KIRREL3: variants seen among roughly 807,000 people sequenced by gnomAD.
KIRREL3 encodes the protein kin of IRRE-like protein 3.
A neutral mutation model predicts 89.7 loss-of-function variants in KIRREL3; 36 were observed. That is an observed-to-expected ratio of 0.40 (90% CI 0.31 to 0.53). The LOEUF is 0.53. KIRREL3 is among the 20% of genes least tolerant of loss of function. The pLI, the probability that KIRREL3 is intolerant of heterozygous loss-of-function variation, is 0.49. For synonymous variants in KIRREL3, 445 were observed against 441.4 expected, an observed-to-expected ratio of 1.01 and a Z score of -0.10; for missense variants, 864 against 1,056.6, an observed-to-expected ratio of 0.82 and a Z score of 2.53.
chr11:126,848,392 G>A lies in KIRREL3; in HGVS notation c.55+152063C>T, dbSNP rs146619961. 1.6e-3 allele frequency among the ~76,000 whole-genome samples: 239 copies of A among 152,260 alleles called. 1 individual carries two copies. The highest frequency in any genetic ancestry group is 5.3e-3 in the African/African-American group (222 of 41,552). ...GAAAAATTATGTTTCAAGAACTATG[G>A]TATACCTGTTATTAAATTCCAGTCT... On this transcript the variant is annotated intron_variant, in intron 1 of 16. Coordinates refer to ENST00000525144, the MANE Select transcript of KIRREL3 (RefSeq NM_032531.4).
At position 126,563,003 on chromosome 11, in the gene KIRREL3, C is replaced by T; in HGVS notation, c.56-91G>A. ...CTGCAGGGGGCTGTGGAGCTTGTTG[C>T]TCTTATAAACAGAGGTGCTTTTGTT... On this transcript the variant is annotated intron_variant, in intron 1 of 16. Transcript: ENST00000525144. This position sits in a 1 kb window ranked among gnomAD's most constrained non-coding sequence, Gnocchi z 6.8. The T allele has an allele frequency of 1.2e-6, 1 of 813,028 alleles. No individual in the cohort carries two copies. The highest frequency in any genetic ancestry group is 2.0e-6 in the Non-Finnish European group (1 of 504,348). 50.4% of individuals were successfully genotyped at this position (813,028 alleles called of 1,614,324 possible).
intron 1 of KIRREL3, among the ~76,000 whole-genome samples, chr11:126,942,545 G>A (rs1164409522): frequency 6.6e-6 from 1 of 152,140 alleles, no homozygotes. Flanking sequence ...TGTCGTCCCT[G>A]GCTCTTCCAG....
rs1291982503 is a variant in KIRREL3, at chr11:126,564,097, G to C, written c.56-1185C>G. On this transcript the variant is annotated intron_variant, in intron 1 of 16. Coordinates refer to ENST00000525144, the MANE Select transcript of KIRREL3 (RefSeq NM_032531.4). This position sits in a 1 kb window ranked among gnomAD's most constrained non-coding sequence, Gnocchi z 7.4. ...AGGGAATATGACTGCAGCTCTTCCTGGCCCTTGCCAGGGTTTCTGGGCTCC... is the reference window on the plus strand; with the variant it reads ...AGGGAATATGACTGCAGCTCTTCCTCGCCCTTGCCAGGGTTTCTGGGCTCC... 2.0e-5 allele frequency among the ~76,000 whole-genome samples: 3 copies of C among 152,194 alleles called. No individual in the cohort carries two copies. Among genetic ancestry groups the C allele is most frequent in the Admixed American group, 6.5e-5 (1 of 15,276 alleles).
rs1939287997 is a variant in KIRREL3, at chr11:126,551,814, T to A, written c.133+11021A>T. Among the ~76,000 whole-genome samples the A allele has an allele frequency of 6.6e-6, 1 of 152,060 alleles. No individual in the cohort carries two copies. On this transcript the variant is annotated intron_variant, in intron 2 of 16. Transcript: ENST00000525144. This position sits in a 1 kb window ranked among gnomAD's most constrained non-coding sequence, Gnocchi z 4.9. The stretch of plus-strand genomic sequence containing the variant: ...GCATGCGCCACCATGCCCGACTAAT[T>A]TTTGTATTTTTAGTAGAGATGGGGT...
At chr11:126,942,520 G>A (rs1288070281) in intron 1 of KIRREL3, among the ~76,000 whole-genome samples, 1 of 152,124 alleles carries the variant, frequency 6.6e-6, no homozygotes, top group Admixed American at 6.6e-5. Context: ...TGGAAGTCCC[G>A]GCTGCCCAGG....
intron 1 of KIRREL3, among the ~76,000 whole-genome samples, chr11:126,749,776 A>G (rs7350493): frequency 0.22 from 32,784 of 152,140 alleles, 3,991 homozygotes; most frequent in African/African-American, 0.31. Flanking sequence ...GATCATTTTC[A>G]TAACCGGACC....
chr11:126,700,865 G>A (rs1046521254), intron 1 of KIRREL3, among the ~76,000 whole-genome samples: 1 of 152,156 alleles, frequency 6.6e-6, no homozygotes, highest in Non-Finnish European at 1.5e-5. Context: ...GCAGTCTTGG[G>A]CTAATGAGCT....
chr11:126,884,882 A>G (rs1170251201), intron 1 of KIRREL3, among the ~76,000 whole-genome samples: 1 of 152,188 alleles, frequency 6.6e-6, no homozygotes, highest in Non-Finnish European at 1.5e-5. Context: ...TTGCTTGGCA[A>G]TGGAATGGCT....
rs941282405 is a variant in KIRREL3, at chr11:126,474,021, C to T, written c.434-555G>A. On this transcript the variant is annotated intron_variant, in intron 4 of 16. Coordinates refer to ENST00000525144, the MANE Select transcript of KIRREL3 (RefSeq NM_032531.4). This position sits in a 1 kb window ranked among gnomAD's most constrained non-coding sequence, Gnocchi z 6.7. The stretch of plus-strand genomic sequence containing the variant: ...GTTTCAACATGTTGGCCAGGCTGGT[C>T]TTGAACTCCTGACCTCAGGTGATCT... Among the ~76,000 whole-genome samples, 14 of 150,924 alleles carry T rather than the reference C, an allele frequency of 9.3e-5. No homozygotes were observed. The highest frequency in any genetic ancestry group is 2.9e-5 in the Non-Finnish European group (2 of 67,898).
intron 1 of KIRREL3, among the ~76,000 whole-genome samples, chr11:126,831,715 T>A (rs1425620350): frequency 6.6e-6 from 1 of 152,194 alleles, no homozygotes; most frequent in African/African-American, 2.4e-5. Context: ...CTAGTTTTTT[T>A]TTGAAGTATA....
rs143394922 is a variant in KIRREL3, at chr11:126,527,503, G to A, written c.134-816C>T. Among the ~76,000 whole-genome samples the A allele has an allele frequency of 7.2e-5, 11 of 152,158 alleles. No individual in the cohort carries two copies. The highest frequency in any genetic ancestry group is 1.4e-4 in the African/African-American group (6 of 41,494). On this transcript the variant is annotated intron_variant, in intron 2 of 16. Coordinates refer to ENST00000525144, the MANE Select transcript of KIRREL3 (RefSeq NM_032531.4). This position sits in a 1 kb window ranked among gnomAD's most constrained non-coding sequence, Gnocchi z 4.2. ...ATATTAGTTCATTAATATTTTCATCGTCATAACAACCTAAAAATAGTAGGC... is the reference window on the plus strand; with the variant it reads ...ATATTAGTTCATTAATATTTTCATCATCATAACAACCTAAAAATAGTAGGC...
chr11:126,795,827 C>T lies in KIRREL3; in HGVS notation c.55+204628G>A, dbSNP rs1347308246. Among the ~76,000 whole-genome samples the T allele has an allele frequency of 2.0e-5, 3 of 152,130 alleles. No homozygotes were observed. Among genetic ancestry groups the T allele is most frequent in the Non-Finnish European group, 4.4e-5 (3 of 68,026 alleles). On this transcript the variant is annotated intron_variant, in intron 1 of 16. Coordinates refer to ENST00000525144, the MANE Select transcript of KIRREL3 (RefSeq NM_032531.4). The surrounding 1 kb of genome is among the most constrained non-coding windows in gnomAD (Gnocchi z 4.1). ...TTCTTCCCCCTGTGCACCCCAAGAG[C>T]GTACATCAGCTCTTTGGAGGGGCAT... is the stretch of plus-strand genomic sequence containing the variant.
chr11:126,731,031 G>A (rs1948598705), intron 1 of KIRREL3, among the ~76,000 whole-genome samples: 2 of 152,056 alleles, frequency 1.3e-5, no homozygotes, highest in South Asian at 2.1e-4. Flanking sequence ...GAGCCACCGC[G>A]CCCAGCCAAC....
intron 7 of KIRREL3, among the ~76,000 whole-genome samples, chr11:126,453,346 G>A (rs1956245210): frequency 6.6e-6 from 1 of 152,090 alleles, no homozygotes; most frequent in African/African-American, 2.4e-5. Context: ...CTGGTCCCTA[G>A]GAGCATCTGC....
chr11:126,731,231 A>G (rs1948605790), intron 1 of KIRREL3, among the ~76,000 whole-genome samples: 1 of 151,822 alleles, frequency 6.6e-6, no homozygotes, highest in South Asian at 2.1e-4. Flanking sequence ...CCCACCTTCC[A>G]TTTCTCCTGT....
At chr11:126,820,500 A>G (rs1190553199) in intron 1 of KIRREL3, among the ~76,000 whole-genome samples, 1 of 152,230 alleles carries the variant, frequency 6.6e-6, no homozygotes, top group Non-Finnish European at 1.5e-5. Context: ...GGGGAAATGA[A>G]TAAGACCCAA....
chr11:126,840,984 T>C (rs1010795288), intron 1 of KIRREL3, among the ~76,000 whole-genome samples: 24 of 152,242 alleles, frequency 1.6e-4, no homozygotes, highest in African/African-American at 5.3e-4. Context: ...ATAGTAAGAA[T>C]GAATCTTCTA....
intron 1 of KIRREL3, among the ~76,000 whole-genome samples, chr11:126,675,713 A>G (rs1946157973): frequency 6.6e-6 from 1 of 152,174 alleles, no homozygotes; most frequent in East Asian, 1.9e-4. Context: ...AGGAACTAAC[A>G]GGGTCAGCTC....
At chr11:126,699,065 G>C (rs1479138765) in intron 1 of KIRREL3, among the ~76,000 whole-genome samples, 2 of 152,188 alleles carry the variant, frequency 1.3e-5, no homozygotes, top group African/African-American at 4.8e-5. Flanking sequence ...TACTGGAAGG[G>C]GTGCCAGGAG....
Sources: allele counts gnomAD v4.1 joint callset (sites outside exome capture counted in the v4.1 genomes callset), GRCh38; gene constraint gnomAD v4.1.1; non-coding constraint Gnocchi (gnomAD v3.1); transcripts MANE v1.5; gene names NCBI Gene and HGNC (gene_info 2026-07-23, HGNC 2026-07-21).